Variants in GLG1 observed in about 807,000 individuals in gnomAD.
GLG1 encodes golgi glycoprotein 1.
A neutral mutation model predicts 160.5 loss-of-function variants in GLG1; 38 were observed. The observed-to-expected ratio is 0.24, with a 90% CI of 0.18 to 0.31. The LOEUF (loss-of-function observed/expected upper bound fraction) is 0.31, where lower values mean the gene tolerates loss of function less well. Ranked by LOEUF, GLG1 falls within the 10% of genes least tolerant of loss-of-function variation. The pLI is 1.00. For missense variants in GLG1, 1,373 were observed against 1,505.2 expected (o/e 0.91, Z 1.45); for synonymous variants, 644 against 543.4 (o/e 1.19, Z -2.57).
chr16:74,603,122 G>C (rs539871339), intron 1 of GLG1, among the ~76,000 whole-genome samples: 1 of 141,996 alleles, frequency 7.0e-6, no homozygotes, highest in African/African-American at 2.5e-5. Flanking sequence ...AGCAGCAGCA[G>C]CAGCAGCAGC....
At chr16:74,519,127 C>A (rs374443733) in intron 2 of GLG1, among the ~76,000 whole-genome samples, 6 of 152,248 alleles carry the variant, frequency 3.9e-5, no homozygotes, top group African/African-American at 1.4e-4. Flanking sequence ...AAATGTGGCA[C>A]ATATACACTG....
intron 9 of GLG1, among the ~76,000 whole-genome samples, chr16:74,483,518 A>G (rs1000038585): frequency 1.3e-5 from 2 of 152,186 alleles, no homozygotes; most frequent in Non-Finnish European, 2.9e-5. Flanking sequence ...CAGATACTCC[A>G]TCATTTCATT....
intron 3 of GLG1, among the ~76,000 whole-genome samples, chr16:74,507,755 C>A (rs919237254): frequency 1.2e-4 from 18 of 152,012 alleles, no homozygotes; most frequent in Non-Finnish European, 2.4e-4. Context: ...AATCTACTTA[C>A]AATTGTATAG....
chr16:74,600,250 C>T (rs377571313), intron 1 of GLG1, among the ~76,000 whole-genome samples: 1 of 151,634 alleles, frequency 6.6e-6, no homozygotes, highest in African/African-American at 2.4e-5. Context: ...TAGAACAAGG[C>T]TAAGTGGTGT....
intron 16 of GLG1, chr16:74,469,689 C>T (rs1481920843): frequency 2.5e-6 from 1 of 400,250 alleles, no homozygotes; most frequent in African/African-American, 2.0e-5. Context: ...TTCACTCACA[C>T]TGCACCCTGC....
chr16:74,586,526 G>C (rs1481666698), intron 1 of GLG1, among the ~76,000 whole-genome samples: 2 of 151,934 alleles, frequency 1.3e-5, no homozygotes, highest in Non-Finnish European at 2.9e-5. Context: ...CCAAGCTGGA[G>C]TGCAGTGGCA....
chr16:74,457,253 C>T (rs1370789829), intron 24 of GLG1, among the ~76,000 whole-genome samples: 1 of 152,012 alleles, frequency 6.6e-6, no homozygotes, highest in African/African-American at 2.4e-5. Flanking sequence ...AAAAATGAGC[C>T]AGGCATGGTG....
intron 1 of GLG1, among the ~76,000 whole-genome samples, chr16:74,535,368 T>C (rs991422584): frequency 2.0e-5 from 3 of 152,274 alleles, no homozygotes; most frequent in African/African-American, 4.8e-5. Flanking sequence ...ACACCAGTGC[T>C]TGCTTTTCAT....
At chr16:74,498,209 G>A (rs1453036349) in intron 4 of GLG1, among the ~76,000 whole-genome samples, 1 of 151,172 alleles carries the variant, frequency 6.6e-6, no homozygotes, top group African/African-American at 2.4e-5. Flanking sequence ...AAGGTGGGCG[G>A]ATCACGAGGT....
intron 1 of GLG1, among the ~76,000 whole-genome samples, chr16:74,604,749 C>G (rs1958525081): frequency 6.6e-6 from 1 of 151,886 alleles, no homozygotes; most frequent in South Asian, 2.1e-4. Flanking sequence ...CTTTCGCTGT[C>G]TTTAAAGAAA....
intron 1 of GLG1, among the ~76,000 whole-genome samples, chr16:74,579,725 C>CA (rs1333827745): frequency 6.7e-6 from 1 of 149,360 alleles, no homozygotes; most frequent in Non-Finnish European, 1.5e-5. Context: ...GTCTCAAAAA[C>CA]AAAAAACAAA....
chr16:74,462,792 T>C, intron 20 of GLG1, 162 bp from the exon 21 acceptor site: 1 of 670,442 alleles, frequency 1.5e-6, no homozygotes, highest in Non-Finnish European at 2.6e-6. Flanking sequence ...TACACTGTTT[T>C]TAATCAGCAA....
intron 6 of GLG1, among the ~76,000 whole-genome samples, 162 bp from the exon 7 acceptor site, chr16:74,493,302 G>A (rs1279971911): frequency 6.6e-6 from 1 of 152,204 alleles, no homozygotes; most frequent in African/African-American, 2.4e-5. Context: ...TCACAATTGA[G>A]CTAAACTAGT....
At chr16:74,543,097 A>G (rs2017949408) in intron 1 of GLG1, among the ~76,000 whole-genome samples, 1 of 151,880 alleles carries the variant, frequency 6.6e-6, no homozygotes, top group Admixed American at 6.6e-5. Flanking sequence ...GGCCTAAGCA[A>G]GAGCAAATAG....
rs1295390009 is a variant in GLG1 at position 74,448,612 on chromosome 16, C to G, written c.*4555G>C. ...TAAAAATAAGAAAAAATTATCCAGG[C>G]ATGGTGGTGCATGCCCGTAATCCCA... On this transcript the variant is annotated 3_prime_UTR_variant, in exon 26 of 26. Coordinates refer to ENST00000422840, the MANE Select transcript of GLG1 (RefSeq NM_001145667.2). 6.6e-6 allele frequency: 1 copy of G among 152,092 alleles called. No homozygotes were observed. The highest frequency in any genetic ancestry group is 1.5e-5 in the Non-Finnish European group (1 of 68,018). 9.4% of individuals were successfully genotyped at this position (152,092 alleles called of 1,614,324 possible).
At chr16:74,458,732 G>A (rs2014661519) in intron 23 of GLG1, among the ~76,000 whole-genome samples, 2 of 152,268 alleles carry the variant, frequency 1.3e-5, no homozygotes, top group South Asian at 4.1e-4. Flanking sequence ...TTTACAAAAT[G>A]TTCTACTTTA....
chr16:74,495,402 C>T (rs970125292), intron 5 of GLG1, among the ~76,000 whole-genome samples: 2 of 152,232 alleles, frequency 1.3e-5, no homozygotes, highest in Non-Finnish European at 2.9e-5. Context: ...GCGTGAGCCG[C>T]CGCACCCAGC....
chr16:74,456,493 C>G (rs1220183501), intron 25 of GLG1, 156 bp downstream of exon 25: 1 of 613,170 alleles, frequency 1.6e-6, no homozygotes, highest in Non-Finnish European at 2.9e-6. Context: ...TATTGCTAGT[C>G]TCACAATAAG....
intron 1 of GLG1, among the ~76,000 whole-genome samples, chr16:74,591,174 T>C (rs1958174055): frequency 1.3e-5 from 2 of 151,244 alleles, no homozygotes; most frequent in African/African-American, 4.9e-5. Flanking sequence ...CTACTAAAAA[T>C]ACAAAAATTA....
Sources: allele counts gnomAD v4.1 joint callset (sites outside exome capture counted in the v4.1 genomes callset), GRCh38; gene constraint gnomAD v4.1.1; transcripts MANE v1.5; gene names NCBI Gene and HGNC (gene_info 2026-07-23, HGNC 2026-07-21).